CDH13: variants seen among roughly 807,000 people sequenced by gnomAD.
CDH13 encodes cadherin-13.
Under a neutral mutation model 63.8 loss-of-function variants are expected in CDH13, and 24 were observed. The observed-to-expected ratio is 0.38, with a 90% CI of 0.27 to 0.53. The LOEUF (loss-of-function observed/expected upper bound fraction) is 0.53, where lower values mean the gene tolerates loss of function less well. Among genes scored for constraint, CDH13 ranks in the 20% least tolerant of loss-of-function variants. The pLI is 0.85. For synonymous variants in CDH13, 503 were observed against 355.3 expected (o/e 1.42, Z -4.67); for missense variants, 1,049 against 903.1 (o/e 1.16, Z -2.07).
chr16:83,333,091 C>T (rs1003251548), intron 5 of CDH13, among the ~76,000 whole-genome samples: 1 of 152,070 alleles, frequency 6.6e-6, no homozygotes, highest in Non-Finnish European at 1.5e-5. Context: ...ACACCACATC[C>T]AGTCTGTCAA....
At chr16:83,349,328 C>G (rs1459957172) in intron 6 of CDH13, among the ~76,000 whole-genome samples, 3 of 152,178 alleles carry the variant, frequency 2.0e-5, no homozygotes, top group Non-Finnish European at 2.9e-5. Flanking sequence ...GGTGAGAACT[C>G]TTGAAATTCC....
At chr16:83,333,240 A>G (rs1449288768) in intron 5 of CDH13, among the ~76,000 whole-genome samples, 1 of 152,174 alleles carries the variant, frequency 6.6e-6, no homozygotes, top group Non-Finnish European at 1.5e-5. Context: ...TTGAAATGCA[A>G]GTTGTTGGCG....
intron 10 of CDH13, among the ~76,000 whole-genome samples, chr16:83,694,946 C>T (rs1905233714): frequency 6.6e-6 from 1 of 152,112 alleles, no homozygotes; most frequent in South Asian, 2.1e-4. Flanking sequence ...GTGGTTCACG[C>T]CTATAATCCC....
At chr16:82,716,273 T>G (rs1475843365) in intron 1 of CDH13, among the ~76,000 whole-genome samples, 1 of 152,026 alleles carries the variant, frequency 6.6e-6, no homozygotes, top group African/African-American at 2.4e-5. Context: ...CTATGGGGAA[T>G]AGAAACTAAC....
intron 7 of CDH13, among the ~76,000 whole-genome samples, chr16:83,490,009 CCACACACACACACACACA>C (rs10666213): frequency 4.4e-5 from 6 of 137,382 alleles, no homozygotes; most frequent in Admixed American, 1.4e-4. Flanking sequence ...GCTGCAGAAA[CCACACACACACACACACA>C]CACACACACA....
intron 7 of CDH13, among the ~76,000 whole-genome samples, chr16:83,579,682 G>C (rs1905371784): frequency 6.6e-6 from 1 of 152,192 alleles, no homozygotes; most frequent in South Asian, 2.1e-4. Context: ...TCATTCACAA[G>C]TGCGTATTCA....
At chr16:82,977,548 A>G (rs1250510665) in intron 2 of CDH13, among the ~76,000 whole-genome samples, 1 of 152,126 alleles carries the variant, frequency 6.6e-6, no homozygotes, top group East Asian at 1.9e-4. Flanking sequence ...TGCTGCCACC[A>G]TGTGAAGAAG....
At chr16:83,783,113 T>G in intron 12 of CDH13, 141 bp from the exon 13 acceptor site, 1 of 647,872 alleles carries the variant, frequency 1.5e-6, no homozygotes, top group Non-Finnish European at 2.7e-6. Context: ...CACTTGATGT[T>G]AATGAATTTA....
rs79845518 is a variant in CDH13, at chr16:83,591,990, T to C, written c.961-10464T>C. Among the ~76,000 whole-genome samples the C allele has an allele frequency of 6.2e-4, 95 of 152,318 alleles. 1 individual carries two copies. Among genetic ancestry groups the C allele is most frequent in the African/African-American group, 2.2e-3 (92 of 41,572 alleles). The stretch of plus-strand genomic sequence containing the variant: ...CTAATCCTATGGTAGGGTATGCCCT[T>C]CTGCAGGAATCACTGCTTAATCTCT... On this transcript the variant is annotated intron_variant, in intron 7 of 13. Coordinates refer to ENST00000567109, the MANE Select transcript of CDH13 (RefSeq NM_001257.5).
intron 3 of CDH13, among the ~76,000 whole-genome samples, chr16:83,108,593 G>A (rs1210396576): frequency 2.0e-5 from 3 of 152,134 alleles, no homozygotes; most frequent in Non-Finnish European, 4.4e-5. Context: ...GCACAGGTGG[G>A]CATTATATAG....
At chr16:82,774,989 G>A (rs1006737258) in intron 1 of CDH13, among the ~76,000 whole-genome samples, 4 of 152,212 alleles carry the variant, frequency 2.6e-5, no homozygotes, top group Admixed American at 2.6e-4. Context: ...CAGCCCAGGA[G>A]CAAGATTGGG....
At chr16:82,974,802 G>A (rs1174465907) in intron 2 of CDH13, among the ~76,000 whole-genome samples, 2 of 152,192 alleles carry the variant, frequency 1.3e-5, no homozygotes, top group Admixed American at 1.3e-4. Context: ...AAAGGAAGCA[G>A]ATTTGTCCCT....
intron 2 of CDH13, among the ~76,000 whole-genome samples, chr16:82,914,955 C>A (rs1038908697): frequency 6.6e-6 from 1 of 152,138 alleles, no homozygotes; most frequent in East Asian, 1.9e-4. Flanking sequence ...AATGTCTTTC[C>A]CTCCCTCCTC....
At chr16:83,091,484 A>G (rs1306787866) in intron 3 of CDH13, among the ~76,000 whole-genome samples, 3 of 152,208 alleles carry the variant, frequency 2.0e-5, no homozygotes, top group African/African-American at 7.2e-5. Context: ...AAACTGTATA[A>G]TTCTGACATT....
At chr16:82,849,050 C>T (rs751945544) in intron 1 of CDH13, among the ~76,000 whole-genome samples, 8 of 152,230 alleles carry the variant, frequency 5.3e-5, no homozygotes, top group East Asian at 1.9e-4. Flanking sequence ...TCAAACCAGC[C>T]GCAACGTTCC....
intron 2 of CDH13, among the ~76,000 whole-genome samples, chr16:82,877,146 T>C (rs2040533668): frequency 6.6e-6 from 1 of 152,224 alleles, no homozygotes. Flanking sequence ...AGGGAGGGTA[T>C]AGCCTCAAGC....
At chr16:82,749,634 G>A (rs2034328704) in intron 1 of CDH13, among the ~76,000 whole-genome samples, 1 of 152,164 alleles carries the variant, frequency 6.6e-6, no homozygotes, top group African/African-American at 2.4e-5. Context: ...TTAAATAGGT[G>A]TCCCTACTTC....
At position 83,344,900 on chromosome 16, in the gene CDH13, C is replaced by T. The variant is rs774758244; in HGVS notation, c.675C>T (p.Leu225=). The change falls in exon 6 of 14, where the codon CTC becomes CTT. Residue 225 remains leucine, a synonymous_variant. Coordinates refer to ENST00000567109, the MANE Select transcript of CDH13 (RefSeq NM_001257.5). ...VETTDVNGKT[L]EGPVPLEVIV... ...CCACTGATGTCAATGGCAAAACTCTCGAGGGGCCGGTGCCTCTGGAAGTCA... is the reference window on the plus strand; with the variant it reads ...CCACTGATGTCAATGGCAAAACTCTTGAGGGGCCGGTGCCTCTGGAAGTCA... 2.6e-5 allele frequency: 42 copies of T among 1,613,824 alleles called. No homozygotes were observed. The East Asian group carries it at 7.8e-4, about 30-fold the overall frequency.
chr16:82,841,134 T>C (rs2038991788), intron 1 of CDH13, among the ~76,000 whole-genome samples: 1 of 152,204 alleles, frequency 6.6e-6, no homozygotes, highest in South Asian at 2.1e-4. Context: ...AACCTTACCA[T>C]CCACGGAGTG....
Sources: allele counts gnomAD v4.1 joint callset (sites outside exome capture counted in the v4.1 genomes callset), GRCh38; gene constraint gnomAD v4.1.1; transcripts MANE v1.5; gene names NCBI Gene and HGNC (gene_info 2026-07-23, HGNC 2026-07-21).